Variants in SLC44A3 observed in about 807,000 individuals in gnomAD.
SLC44A3 encodes choline transporter-like protein 3.
SLC44A3 carries 74 observed loss-of-function variants against 75.4 expected under a neutral mutation model. That is an observed-to-expected ratio of 0.98 (90% CI 0.81 to 1.19). The LOEUF (loss-of-function observed/expected upper bound fraction) is 1.19. SLC44A3 is among the 50% of genes most tolerant of loss of function. The pLI, the probability that SLC44A3 is intolerant of heterozygous loss-of-function variation, is 0.00. For synonymous variants in SLC44A3, 310 were observed against 296.9 expected, an observed-to-expected ratio of 1.04 and a Z score of -0.45; for missense variants, 700 against 778.6, an observed-to-expected ratio of 0.90 and a Z score of 1.20.
intron 7 of SLC44A3, among the ~76,000 whole-genome samples, chr1:94,841,517 G>A (rs1407659980): frequency 6.6e-6 from 1 of 152,156 alleles, no homozygotes; most frequent in Non-Finnish European, 1.5e-5. Context: ...CAATGTCAGG[G>A]CATCTTCCAA....
intron 12 of SLC44A3, among the ~76,000 whole-genome samples, chr1:94,880,836 A>G (rs949811140): frequency 6.6e-6 from 1 of 151,834 alleles, no homozygotes; most frequent in Non-Finnish European, 1.5e-5. Context: ...TATACTTAAC[A>G]CTACTGAACT....
intron 12 of SLC44A3, among the ~76,000 whole-genome samples, chr1:94,868,544 G>C (rs895030864): frequency 6.6e-6 from 1 of 152,098 alleles, no homozygotes; most frequent in Non-Finnish European, 1.5e-5. Context: ...TTTCAGAATG[G>C]GGGGGAACAT....
rs373969082 is a variant in SLC44A3, at chr1:94,859,854, T to C, written c.1238+2354T>C. ...TCATTTGATATTCCCTAGGAAGAGG[T>C]TAGAGGATGCTTTTGTGGAGAAACT... On this transcript the variant is annotated intron_variant, in intron 10 of 14. Coordinates refer to ENST00000271227, the MANE Select transcript of SLC44A3 (RefSeq NM_001114106.3). Among the ~76,000 whole-genome samples the C allele has an allele frequency of 1.8e-3, 268 of 152,110 alleles. 2 individuals are homozygous for C. The highest frequency in any genetic ancestry group is 6.0e-3 in the African/African-American group (250 of 41,478).
chr1:94,889,995 C>T (rs1670034272), intron 12 of SLC44A3, among the ~76,000 whole-genome samples: 1 of 152,082 alleles, frequency 6.6e-6, no homozygotes, highest in Non-Finnish European at 1.5e-5. Flanking sequence ...GGATTACAGG[C>T]ATGCACCACC....
Position 94,864,723 on chromosome 1 carries a change from A to G in SLC44A3, c.1239-20A>G. 6.2e-7 allele frequency: 1 copy of G among 1,608,988 alleles called. No homozygotes were observed. The highest frequency in any genetic ancestry group is 1.3e-5 in the African/African-American group (1 of 74,784). ...TTATAAAAAGTGTTTTTAAAATGCT[A>G]TCCTTTTCCCTATTTCCAGAAGTAA... On this transcript the variant is annotated intron_variant, in intron 10 of 14. Transcript: ENST00000271227.
At chr1:94,865,920 G>A (rs1368334218) in intron 11 of SLC44A3, among the ~76,000 whole-genome samples, 2 of 152,182 alleles carry the variant, frequency 1.3e-5, no homozygotes. Flanking sequence ...TCAATTAGAA[G>A]CAATTGATTG....
intron 6 of SLC44A3, chr1:94,838,799 T>C (rs1420818213): frequency 3.9e-5 from 6 of 152,184 alleles, no homozygotes; most frequent in Non-Finnish European, 1.5e-5. Context: ...TTACAATATA[T>C]AACAAAAAAA....
intron 9 of SLC44A3, among the ~76,000 whole-genome samples, chr1:94,845,743 A>G (rs1407630042): frequency 6.6e-6 from 1 of 152,236 alleles, no homozygotes; most frequent in African/African-American, 2.4e-5. Context: ...ACAAAGGCCA[A>G]CAGCAAGAAT....
At position 94,824,593 on chromosome 1, in the gene SLC44A3, T is replaced by G; in HGVS notation, c.236T>G (p.Val79Gly). 1 of 1,609,846 alleles carries G rather than the reference T, an allele frequency of 6.2e-7. No individual in the cohort carries two copies. ...ATGTGTGGCAAGAAGAACTCCCCCG[T>G]GGAAGGGGCCCCTCTTTCAGGGCAG... Reference protein sequence around the residue: ...GNMCGKKNSPVEGAPLSGQDM... With the variant: ...GNMCGKKNSPGEGAPLSGQDM... Residue 79 changes from valine to glycine, a missense_variant, in exon 3 of 15, where the codon GTG becomes GGG. Transcript: ENST00000271227.
chr1:94,828,663 G>C, intron 5 of SLC44A3, 77 bp downstream of exon 5: 8 of 1,301,088 alleles, frequency 6.1e-6, no homozygotes, highest in Non-Finnish European at 7.7e-6. Flanking sequence ...TACTCTTCTA[G>C]GCATTGTGGG....
At chr1:94,823,427 G>A (rs2100902346) in intron 2 of SLC44A3, among the ~76,000 whole-genome samples, 1 of 152,256 alleles carries the variant, frequency 6.6e-6, no homozygotes, top group Non-Finnish European at 1.5e-5. Context: ...TTGGAGAGTG[G>A]GAAAGGACAG....
chr1:94,840,201 G>A (rs1054780743), intron 7 of SLC44A3, among the ~76,000 whole-genome samples, 164 bp downstream of exon 7: 1 of 151,740 alleles, frequency 6.6e-6, no homozygotes, highest in Admixed American at 6.6e-5. Flanking sequence ...GAGGACGATG[G>A]GAGTTGCTAT....
intron 3 of SLC44A3, among the ~76,000 whole-genome samples, chr1:94,825,167 C>T (rs1306734218): frequency 2.0e-5 from 3 of 152,146 alleles, no homozygotes; most frequent in Non-Finnish European, 4.4e-5. Context: ...ACTCCCTTAC[C>T]CCACCTCCCA....
Position 94,840,033 on chromosome 1 carries a change from G to A in SLC44A3, c.756G>A (p.Leu252=). Residue 252 remains leucine (L), a synonymous_variant, in exon 7 of 15, where the codon TTG becomes TTA. Transcript: ENST00000271227. ...HIFISLVILG[L]LFVCGVLWWL... ...TCATTTCATTGGTTATTTTGGGATT[G>A]TTGTGTAAGTATTTCTCTACTTGAC... The A allele has an allele frequency of 6.2e-7, 1 of 1,610,030 alleles. No individual in the cohort carries two copies. Among genetic ancestry groups the A allele is most frequent in the African/African-American group, 1.3e-5 (1 of 74,884 alleles).
At chr1:94,839,813 T>C in intron 6 of SLC44A3, 135 bp from the exon 7 acceptor site, 4 of 697,230 alleles carry the variant, frequency 5.7e-6, no homozygotes, top group South Asian at 5.1e-5. Context: ...GTTTAGTAGA[T>C]ATCCCAAGAT....
At chr1:94,824,447 C>T (rs6687749) in intron 2 of SLC44A3, 46 bp from the exon 3 acceptor site, 945,270 of 1,539,250 alleles carry the variant, frequency 0.61, 292,129 homozygotes, top group South Asian at 0.67. Context: ...GGGCACTGTG[C>T]GCTCAGCCCT....
chr1:94,836,018 T>C (rs1416772575), intron 5 of SLC44A3, among the ~76,000 whole-genome samples: 2 of 152,370 alleles, frequency 1.3e-5, no homozygotes, highest in African/African-American at 4.8e-5. Context: ...GAACTGTTTC[T>C]GTAATATTGA....
chr1:94,848,064 T>TA (rs1162312693), intron 9 of SLC44A3, among the ~76,000 whole-genome samples: 102 of 152,160 alleles, frequency 6.7e-4, no homozygotes, highest in African/African-American at 2.2e-3. Context: ...CCGTCTCTAC[T>TA]AAAAATACAG....
intron 9 of SLC44A3, among the ~76,000 whole-genome samples, chr1:94,849,208 T>C (rs1664867990): frequency 6.6e-6 from 1 of 152,104 alleles, no homozygotes; most frequent in Non-Finnish European, 1.5e-5. Context: ...GTGTGACGAT[T>C]CACTGTTAGT....
Sources: allele counts gnomAD v4.1 joint callset (sites outside exome capture counted in the v4.1 genomes callset), GRCh38; gene constraint gnomAD v4.1.1; transcripts MANE v1.5; gene names NCBI Gene and HGNC (gene_info 2026-07-23, HGNC 2026-07-21).